The following TBC1D5 variants were observed in gnomAD, a reference collection of about 807,000 sequenced individuals.
TBC1D5 encodes TBC1 domain family member 5.
In TBC1D5, 75 loss-of-function variants were observed where a neutral mutation model predicts 100.3. That is an observed-to-expected ratio of 0.75 (90% CI 0.62 to 0.91). TBC1D5 has a LOEUF of 0.91. Among genes scored for constraint, TBC1D5 ranks in the 40% least tolerant of loss-of-function variants. The pLI is 0.00. For synonymous variants in TBC1D5, 323 were observed against 325.6 expected (o/e 0.99, Z 0.09); for missense variants, 910 against 942.4 (o/e 0.97, Z 0.45).
intron 3 of TBC1D5, among the ~76,000 whole-genome samples, chr3:17,446,566 A>G (rs189026075): frequency 3.5e-4 from 53 of 152,366 alleles, no homozygotes; most frequent in African/African-American, 1.3e-3. Flanking sequence ...GTAATCTGGA[A>G]TGTCAGATAT....
intron 1 of TBC1D5, among the ~76,000 whole-genome samples, chr3:17,702,590 T>C (rs1036804031): frequency 1.3e-5 from 2 of 152,154 alleles, no homozygotes; most frequent in South Asian, 4.1e-4. Flanking sequence ...CTTAGCAGCA[T>C]TCCCCATCAA....
chr3:17,692,134 G>A (rs942153132), intron 1 of TBC1D5, among the ~76,000 whole-genome samples: 17 of 151,870 alleles, frequency 1.1e-4, no homozygotes, highest in East Asian at 3.9e-4. Flanking sequence ...GTTCTGTCAC[G>A]CAGGCTGAAG....
intron 4 of TBC1D5, among the ~76,000 whole-genome samples, chr3:17,415,066 G>A (rs1164302967): frequency 6.6e-6 from 1 of 152,114 alleles, no homozygotes; most frequent in African/African-American, 2.4e-5. Flanking sequence ...GAGAAACCTT[G>A]AGCCTTCACC....
intron 3 of TBC1D5, among the ~76,000 whole-genome samples, chr3:17,464,086 G>A (rs1166828099): frequency 1.3e-5 from 2 of 151,612 alleles, no homozygotes; most frequent in Non-Finnish European, 2.9e-5. Flanking sequence ...CAAGTAGCTG[G>A]GATTACAGGC....
chr3:17,165,277 AATTC>A (rs1159783344), intron 21 of TBC1D5, among the ~76,000 whole-genome samples: 1 of 152,214 alleles, frequency 6.6e-6, no homozygotes, highest in Non-Finnish European at 1.5e-5. Context: ...AAATTTAACA[AATTC>A]ATTAGTGATT....
chr3:17,625,889 ATCT>A (rs2063011433), intron 1 of TBC1D5, among the ~76,000 whole-genome samples: 1 of 152,114 alleles, frequency 6.6e-6, no homozygotes, highest in African/African-American at 2.4e-5. Context: ...AGTTTAGAAA[ATCT>A]TCCTTTTAGA....
At chr3:17,174,738 C>A (rs193190822) in intron 19 of TBC1D5, among the ~76,000 whole-genome samples, 1 of 152,140 alleles carries the variant, frequency 6.6e-6, no homozygotes, top group Admixed American at 6.5e-5. Flanking sequence ...GGATTATAGG[C>A]GTGTGCTACC....
chr3:17,462,229 C>A (rs1341963140), intron 3 of TBC1D5, among the ~76,000 whole-genome samples: 1 of 151,724 alleles, frequency 6.6e-6, no homozygotes, highest in Non-Finnish European at 1.5e-5. Context: ...CTGTTCTTTC[C>A]TAATAAATCA....
intron 2 of TBC1D5, among the ~76,000 whole-genome samples, chr3:17,616,143 T>C (rs192585112): frequency 6.6e-6 from 1 of 152,190 alleles, no homozygotes; most frequent in African/African-American, 2.4e-5. Flanking sequence ...ATTTCGTTAT[T>C]TACCCAGTAG....
At chr3:17,613,037 C>T (rs528826415) in intron 2 of TBC1D5, among the ~76,000 whole-genome samples, 12 of 152,196 alleles carry the variant, frequency 7.9e-5, no homozygotes, top group Admixed American at 3.3e-4. Context: ...CCTTCCCCAA[C>T]CCCTCACCCC....
intron 8 of TBC1D5, among the ~76,000 whole-genome samples, chr3:17,385,838 C>CA (rs1230068337): frequency 1.3e-5 from 2 of 152,074 alleles, no homozygotes; most frequent in East Asian, 3.9e-4. Context: ...ATCCAGGAAT[C>CA]AGAGTTCAAA....
chr3:17,519,696 T>A (rs909378843), intron 2 of TBC1D5, among the ~76,000 whole-genome samples: 3 of 152,210 alleles, frequency 2.0e-5, no homozygotes, highest in Non-Finnish European at 4.4e-5. Flanking sequence ...TTCAGTATAA[T>A]TCCCAGATAT....
At chr3:17,229,689 A>G (rs1358860828) in intron 17 of TBC1D5, among the ~76,000 whole-genome samples, 1 of 152,122 alleles carries the variant, frequency 6.6e-6, no homozygotes, top group East Asian at 1.9e-4. Flanking sequence ...CTTTACAAAT[A>G]AGAGGTTAAG....
intron 3 of TBC1D5, 72 bp from the exon 4 acceptor site, chr3:17,428,591 G>C (rs1269633754): frequency 1.4e-6 from 1 of 739,724 alleles, no homozygotes; most frequent in Non-Finnish European, 2.0e-6. Flanking sequence ...CTGTGTGAAA[G>C]CTCTACGCAA....
intron 13 of TBC1D5, among the ~76,000 whole-genome samples, chr3:17,348,466 TC>T (rs2090175085): frequency 1.3e-5 from 2 of 152,006 alleles, no homozygotes; most frequent in Admixed American, 6.6e-5. Flanking sequence ...GTGTTGCTGG[TC>T]CTCGCACTAC....
At chr3:17,733,146 G>A (rs2153989427) in intron 1 of TBC1D5, among the ~76,000 whole-genome samples, 1 of 152,294 alleles carries the variant, frequency 6.6e-6, no homozygotes, top group African/African-American at 2.4e-5. Flanking sequence ...GAAGCAGAAA[G>A]GGGGCCAGAG....
At chr3:17,161,171 G>A (rs765189768) in exon 22 of TBC1D5, 4 of 1,614,012 alleles carry the variant, frequency 2.5e-6, no homozygotes, top group African/African-American at 2.7e-5. Flanking sequence ...GGAGCCCCTG[G>A]CACTGCTCCC....
chr3:17,210,953 A>C lies in TBC1D5; in HGVS notation c.1752+3254T>G, dbSNP rs545716599. ...TGAGTTTTACATTTTAGAAAAATGT[A>C]TACATTCGAAAAGGTATCACATTAG... is the stretch of plus-strand genomic sequence containing the variant. On this transcript the variant is annotated intron_variant, in intron 18 of 21. Transcript: ENST00000253692. Among the ~76,000 whole-genome samples, 4 of 152,328 alleles carry C rather than the reference A, an allele frequency of 2.6e-5. No individual in the cohort carries two copies. In the East Asian group the frequency reaches 7.7e-4, roughly 29 times the overall value.
chr3:17,242,981 C>T (rs917042902), intron 16 of TBC1D5, among the ~76,000 whole-genome samples: 1 of 152,008 alleles, frequency 6.6e-6, no homozygotes. Flanking sequence ...ATGTCAGTAC[C>T]TGTGGAAATA....
Sources: gnomAD v4.1 joint callset for allele counts (sites outside exome capture counted in the v4.1 genomes callset) on GRCh38, gnomAD v4.1.1 for gene constraint, MANE v1.5 for transcripts, NCBI Gene and HGNC (gene_info 2026-07-23, HGNC 2026-07-21) for gene names.